NINL: variants seen among roughly 807,000 people sequenced by gnomAD.
The protein encoded by NINL is ninein-like protein.
In NINL, 153 loss-of-function variants were observed where a neutral mutation model predicts 160.3. The observed-to-expected ratio is 0.95, with a 90% CI of 0.84 to 1.09. The LOEUF is 1.09. Ranked by LOEUF, NINL falls within the 50% of genes least tolerant of loss-of-function variation. The pLI is 0.00. For missense variants in NINL, 1,829 were observed against 1,764.0 expected (o/e 1.04, Z -0.66); for synonymous variants, 800 against 734.8 (o/e 1.09, Z -1.43).
chr20:25,457,097 G>A (rs1044312087), intron 22 of NINL, among the ~76,000 whole-genome samples: 62 of 152,086 alleles, frequency 4.1e-4, no homozygotes, highest in African/African-American at 1.4e-3. Context: ...AGACCGAGGC[G>A]GGTGGATCAC....
chr20:25,529,914 G>A (rs1366999700), intron 1 of NINL, among the ~76,000 whole-genome samples: 1 of 152,196 alleles, frequency 6.6e-6, no homozygotes, highest in African/African-American at 2.4e-5. Flanking sequence ...CAAGGAATGG[G>A]GACAGAGGGC....
At chr20:25,466,835 A>G (rs544008817) in intron 19 of NINL, among the ~76,000 whole-genome samples, 1 of 152,248 alleles carries the variant, frequency 6.6e-6, no homozygotes, top group East Asian at 1.9e-4. Context: ...GTGTCCAGGC[A>G]GTGTTTGACA....
At chr20:25,578,665 C>T (rs576642823) in intron 1 of NINL, among the ~76,000 whole-genome samples, 24 of 151,416 alleles carry the variant, frequency 1.6e-4, no homozygotes, top group South Asian at 2.1e-4. Flanking sequence ...TGGTGGCGGG[C>T]GCATGTAGTC....
intron 1 of NINL, among the ~76,000 whole-genome samples, chr20:25,535,672 A>T (rs867736508): frequency 6.6e-6 from 1 of 152,164 alleles, no homozygotes; most frequent in East Asian, 1.9e-4. Flanking sequence ...TTTTACCACC[A>T]TTAAATTTAA....
intron 17 of NINL, among the ~76,000 whole-genome samples, chr20:25,473,335 T>C (rs1056317591): frequency 1.3e-5 from 2 of 152,072 alleles, no homozygotes; most frequent in African/African-American, 2.4e-5. Context: ...AGGCTGGGCA[T>C]GGTGGCTCAC....
chr20:25,491,254 G>A (rs2063625529), intron 11 of NINL, 97 bp downstream of exon 11: 1 of 1,400,654 alleles, frequency 7.1e-7, no homozygotes, highest in African/African-American at 1.4e-5. Flanking sequence ...TGAGGGCACT[G>A]GCAGGTGTGG....
At chr20:25,547,271 C>T (rs538469686) in intron 1 of NINL, among the ~76,000 whole-genome samples, 107 of 152,270 alleles carry the variant, frequency 7.0e-4, no homozygotes, top group African/African-American at 2.5e-3. Flanking sequence ...CCAGGGTGGG[C>T]GGGGCTGCAG....
chr20:25,490,104 C>T (rs1009248706), intron 11 of NINL, 119 bp from the exon 12 acceptor site: 4 of 907,610 alleles, frequency 4.4e-6, no homozygotes, highest in Non-Finnish European at 7.0e-6. Context: ...CCCCCACCCA[C>T]CGCAGGCGAG....
intron 16 of NINL, among the ~76,000 whole-genome samples, chr20:25,477,730 A>G (rs2063293960): frequency 6.6e-6 from 1 of 152,184 alleles, no homozygotes. Context: ...GCTCCCCAGG[A>G]GCAGGCTGCT....
intron 13 of NINL, among the ~76,000 whole-genome samples, chr20:25,488,771 A>C (rs2063557040): frequency 6.6e-6 from 1 of 152,144 alleles, no homozygotes; most frequent in Non-Finnish European, 1.5e-5. Flanking sequence ...ATTCTTAAAT[A>C]AATTAATAAA....
intron 15 of NINL, among the ~76,000 whole-genome samples, chr20:25,479,776 G>A (rs1009672418): frequency 1.3e-5 from 2 of 152,188 alleles, no homozygotes; most frequent in African/African-American, 2.4e-5. Context: ...GGGTGGCCCT[G>A]GCCTCAAAGC....
chr20:25,500,071 G>C (rs1462668718), intron 8 of NINL, among the ~76,000 whole-genome samples: 1 of 152,054 alleles, frequency 6.6e-6, no homozygotes, highest in Non-Finnish European at 1.5e-5. Context: ...GGAATAGGGA[G>C]AGGGGGGCAG....
At chr20:25,536,490 CACTTG>C (rs1236334246) in intron 1 of NINL, among the ~76,000 whole-genome samples, 1 of 152,232 alleles carries the variant, frequency 6.6e-6, no homozygotes, top group Non-Finnish European at 1.5e-5. Context: ...GCAGGTGGAT[CACTTG>C]AGGTCAGGAG....
intron 1 of NINL, among the ~76,000 whole-genome samples, chr20:25,572,414 T>G (rs1022053031): frequency 1.3e-5 from 2 of 152,098 alleles, no homozygotes; most frequent in Non-Finnish European, 2.9e-5. Context: ...CTACGGTGCT[T>G]GCTTTTGTAA....
At position 25,476,258 on chromosome 20, in the gene NINL, C is replaced by T. The variant is rs17853607; in HGVS notation, c.3033G>A (p.Lys1011=). ...CTCTCCTGGCAACCTCCACACTGTG[C>T]TTGTGACACCCAGGCTCCAGGGCGC... is the stretch of plus-strand genomic sequence containing the variant. ...AEGALEPGCH[K]HSVEVARRGS... is the part of the protein sequence containing the mutation. The change falls in exon 17 of 24, where the codon AAG becomes AAA. Residue 1011 remains lysine (K), a synonymous_variant. Transcript: ENST00000278886. The T allele has an allele frequency of 6.2e-7, 1 of 1,613,912 alleles. No homozygotes were observed. The highest frequency in any genetic ancestry group is 2.2e-5 in the East Asian group (1 of 44,872).
intron 1 of NINL, among the ~76,000 whole-genome samples, chr20:25,566,806 C>G (rs2065003604): frequency 8.0e-6 from 1 of 125,132 alleles, no homozygotes; most frequent in Non-Finnish European, 1.6e-5. Flanking sequence ...AACAAACAAA[C>G]AACAACAACA....
rs769395342 is a variant in NINL, at chr20:25,517,764, G to C, written c.266C>G (p.Ser89Cys). 2.8e-5 allele frequency: 44 copies of C among 1,598,972 alleles called. No individual in the cohort carries two copies. The East Asian group carries it at 9.4e-4, about 34-fold the overall frequency. ...GVRPSDEDSSSLESAASSAIP... is the reference protein window; with the variant it reads ...GVRPSDEDSSCLESAASSAIP... ...GGAAATCCTCTTACCTGATTCCAAAGAACTACTGTCTTCATCTGAGGGGCG... is the reference window on the plus strand; with the variant it reads ...GGAAATCCTCTTACCTGATTCCAAACAACTACTGTCTTCATCTGAGGGGCG... Residue 89 changes from serine to cysteine, a missense_variant, in exon 3 of 24, where the codon TCT (serine) becomes TGT (cysteine). Transcript: ENST00000278886.
chr20:25,515,882 T>C (rs2064151795), intron 3 of NINL, among the ~76,000 whole-genome samples: 1 of 152,162 alleles, frequency 6.6e-6, no homozygotes, highest in Non-Finnish European at 1.5e-5. Context: ...ACCATTCTCC[T>C]GCCTCGGCCT....
intron 19 of NINL, among the ~76,000 whole-genome samples, chr20:25,466,985 C>T (rs2062930050): frequency 6.6e-6 from 1 of 152,208 alleles, no homozygotes; most frequent in South Asian, 2.1e-4. Context: ...GCGTGCGGCT[C>T]CCCAGGCAGG....
Sources: gnomAD v4.1 joint callset for allele counts (sites outside exome capture counted in the v4.1 genomes callset) on GRCh38, gnomAD v4.1.1 for gene constraint, MANE v1.5 for transcripts, NCBI Gene and HGNC (gene_info 2026-07-23, HGNC 2026-07-21) for gene names.